Variants in SLC44A5 observed in about 807,000 individuals in gnomAD.
The protein encoded by SLC44A5 is choline transporter-like protein 5.
In SLC44A5, 57 loss-of-function variants were observed where a neutral mutation model predicts 101.8. The ratio of observed to expected loss-of-function variants is 0.56; its 90% CI spans 0.45 to 0.70. The LOEUF (loss-of-function observed/expected upper bound fraction) is 0.70, where lower values mean the gene tolerates loss of function less well. SLC44A5 is among the 30% of genes least tolerant of loss of function. The probability of loss-of-function intolerance (pLI) is 0.00; values close to 1 mark genes in which losing one functional copy is unlikely to be tolerated. For synonymous variants in SLC44A5, 281 were observed against 290.9 expected, an observed-to-expected ratio of 0.97 and a Z score of 0.35; for missense variants, 737 against 853.1, an observed-to-expected ratio of 0.86 and a Z score of 1.70.
At chr1:75,488,310 C>A (rs546031082) in intron 2 of SLC44A5, among the ~76,000 whole-genome samples, 2 of 152,142 alleles carry the variant, frequency 1.3e-5, no homozygotes, top group Non-Finnish European at 2.9e-5. Context: ...GGTTGGGGAC[C>A]ACTGGTATAG....
rs560793651 is a variant in SLC44A5 at position 75,409,122 on chromosome 1, G to A, written c.14-12501C>T. On this transcript the variant is annotated intron_variant, in intron 2 of 23. Coordinates refer to ENST00000370859, the MANE Select transcript of SLC44A5 (RefSeq NM_001130058.2). Reference sequence around the variant, plus strand: ...ACCACATCTTCGCTTATAAATGGACGCTTAACAATGAGTCCACATGGACAT... The same window carrying A: ...ACCACATCTTCGCTTATAAATGGACACTTAACAATGAGTCCACATGGACAT... 3.9e-5 allele frequency among the ~76,000 whole-genome samples: 6 copies of A among 152,196 alleles called. No homozygotes were observed. In the South Asian group the frequency reaches 6.2e-4, roughly 16 times the overall value.
intron 3 of SLC44A5, among the ~76,000 whole-genome samples, chr1:75,345,784 A>G (rs567099240): frequency 3.2e-4 from 49 of 152,292 alleles, no homozygotes; most frequent in African/African-American, 1.2e-3. Context: ...GGAGTTGGAG[A>G]AGGACTTACA....
intron 3 of SLC44A5, among the ~76,000 whole-genome samples, chr1:75,395,046 C>A (rs546713721): frequency 5.8e-4 from 89 of 152,140 alleles, no homozygotes; most frequent in African/African-American, 2.1e-3. Flanking sequence ...TCTTTTACTT[C>A]TGTCCATTCA....
intron 3 of SLC44A5, among the ~76,000 whole-genome samples, chr1:75,343,959 C>T (rs1440374854): frequency 1.1e-4 from 16 of 152,108 alleles, no homozygotes; most frequent in Non-Finnish European, 4.4e-5. Flanking sequence ...TGGCTTTTTA[C>T]GATATGGCTC....
the SLC44A5 span, among the ~76,000 whole-genome samples, chr1:75,671,417 T>C: frequency 6.7e-6 from 1 of 150,214 alleles, no homozygotes; most frequent in African/African-American, 2.4e-5. Flanking sequence ...AATGCTAATA[T>C]ACGCATCCAG....
chr1:75,430,360 C>T (rs983728291), intron 2 of SLC44A5, among the ~76,000 whole-genome samples: 1 of 152,004 alleles, frequency 6.6e-6, no homozygotes, highest in Non-Finnish European at 1.5e-5. Flanking sequence ...TCTTGAGCTC[C>T]CAGCCTCCAG....
intron 1 of SLC44A5, among the ~76,000 whole-genome samples, chr1:75,546,071 C>T (rs1671638339): frequency 6.6e-6 from 1 of 152,086 alleles, no homozygotes; most frequent in South Asian, 2.1e-4. Flanking sequence ...ATCCTCCCAC[C>T]TCAGCTTCCC....
intron 3 of SLC44A5, among the ~76,000 whole-genome samples, chr1:75,390,700 T>A (rs1661727147): frequency 6.6e-6 from 1 of 151,976 alleles, no homozygotes; most frequent in South Asian, 2.1e-4. Flanking sequence ...TACCTCAAAA[T>A]AATGAGCAAT....
chr1:75,458,090 T>C (rs2101683744), intron 2 of SLC44A5, among the ~76,000 whole-genome samples: 1 of 152,300 alleles, frequency 6.6e-6, no homozygotes, highest in Non-Finnish European at 1.5e-5. Context: ...TGAATGACAC[T>C]AACTTACCCC....
At chr1:75,657,170 T>C in the SLC44A5 span, among the ~76,000 whole-genome samples, 1 of 151,524 alleles carries the variant, frequency 6.6e-6, no homozygotes, top group Non-Finnish European at 1.5e-5. Flanking sequence ...ATAAAAGACA[T>C]AGAATGACTT....
intron 1 of SLC44A5, among the ~76,000 whole-genome samples, chr1:75,580,568 A>G (rs1355318371): frequency 6.6e-6 from 1 of 152,218 alleles, no homozygotes; most frequent in African/African-American, 2.4e-5. Flanking sequence ...GGCCCAGCGC[A>G]GTGGCTCACA....
intron 2 of SLC44A5, among the ~76,000 whole-genome samples, chr1:75,397,675 G>A (rs1662212045): frequency 6.6e-6 from 1 of 152,194 alleles, no homozygotes; most frequent in East Asian, 1.9e-4. Context: ...TTCTAAAAAT[G>A]AGAATCCAAG....
At chr1:75,673,294 G>A in the SLC44A5 span, among the ~76,000 whole-genome samples, 5 of 152,042 alleles carry the variant, frequency 3.3e-5, no homozygotes, top group Admixed American at 6.6e-5. Context: ...TGTACTTGCT[G>A]TGGGTCGGGG....
chr1:75,452,047 G>A (rs1665936470), intron 2 of SLC44A5, among the ~76,000 whole-genome samples: 1 of 152,066 alleles, frequency 6.6e-6, no homozygotes, highest in African/African-American at 2.4e-5. Flanking sequence ...GAAATCCAGA[G>A]AACACCAGTA....
Position 75,483,166 on chromosome 1 carries a change from C to T in SLC44A5, c.13+58269G>A, listed in dbSNP as rs116183482. On this transcript the variant is annotated intron_variant, in intron 2 of 23. Coordinates refer to ENST00000370859, the MANE Select transcript of SLC44A5 (RefSeq NM_001130058.2). The stretch of plus-strand genomic sequence containing the variant: ...CCACCTCAGGACAAAGGGAAAACTG[C>T]GTTGGCCAAAACTGGCCTGAGGGAA... Among the ~76,000 whole-genome samples the T allele has an allele frequency of 4.3e-3, 647 of 152,224 alleles. 5 individuals carry two copies. Among genetic ancestry groups the T allele is most frequent in the African/African-American group, 0.015 (611 of 41,530 alleles).
At chr1:75,507,262 T>A (rs1669312814) in intron 2 of SLC44A5, among the ~76,000 whole-genome samples, 2 of 152,158 alleles carry the variant, frequency 1.3e-5, no homozygotes, top group African/African-American at 4.8e-5. Context: ...CGTGAAAGGA[T>A]GTTAGATTTT....
At chr1:75,346,633 T>A (rs1658277572) in intron 3 of SLC44A5, among the ~76,000 whole-genome samples, 1 of 152,130 alleles carries the variant, frequency 6.6e-6, no homozygotes, top group Non-Finnish European at 1.5e-5. Flanking sequence ...AATAAATAAA[T>A]TCTGAATCAA....
intron 2 of SLC44A5, among the ~76,000 whole-genome samples, chr1:75,432,610 C>T (rs1664676845): frequency 6.6e-6 from 1 of 152,062 alleles, no homozygotes; most frequent in African/African-American, 2.4e-5. Flanking sequence ...TAAATTATTG[C>T]TTGAGAGACT....
At chr1:75,463,483 A>T (rs1449273580) in intron 2 of SLC44A5, among the ~76,000 whole-genome samples, 1 of 151,776 alleles carries the variant, frequency 6.6e-6, no homozygotes, top group Middle Eastern at 3.2e-3. Context: ...AATAACGTAC[A>T]ATGGAGCTCC....
Sources: gnomAD v4.1 joint callset for allele counts (sites outside exome capture counted in the v4.1 genomes callset) on GRCh38, gnomAD v4.1.1 for gene constraint, MANE v1.5 for transcripts, NCBI Gene and HGNC (gene_info 2026-07-23, HGNC 2026-07-21) for gene names.